The following NELL1 variants were observed in gnomAD, a reference collection of about 807,000 sequenced individuals.
The protein encoded by NELL1 is protein kinase C-binding protein NELL1.
A neutral mutation model predicts 107.4 loss-of-function variants in NELL1; 76 were observed. That is an observed-to-expected ratio of 0.71 (90% confidence interval 0.59 to 0.86). The LOEUF is 0.86. Among genes scored for constraint, NELL1 ranks in the 40% least tolerant of loss-of-function variants. NELL1 has a pLI of 0.00. For synonymous variants in NELL1, 353 were observed against 341.2 expected (o/e 1.03, Z -0.38); for missense variants, 1,024 against 1,005.5 (o/e 1.02, Z -0.25).
At chr11:21,266,784 C>T (rs1196879202) in intron 14 of NELL1, among the ~76,000 whole-genome samples, 1 of 152,040 alleles carries the variant, frequency 6.6e-6, no homozygotes, top group African/African-American at 2.4e-5. Context: ...CGTGTCAAAA[C>T]TACTCACTCA....
intron 2 of NELL1, among the ~76,000 whole-genome samples, chr11:20,717,752 A>G (rs1270496604): frequency 2.0e-5 from 3 of 152,168 alleles, no homozygotes; most frequent in East Asian, 3.8e-4. Flanking sequence ...CTTTTCATAA[A>G]TTGAAATTAC....
intron 12 of NELL1, among the ~76,000 whole-genome samples, chr11:21,097,722 G>A (rs1367100376): frequency 2.6e-5 from 4 of 152,152 alleles, no homozygotes; most frequent in Non-Finnish European, 5.9e-5. Flanking sequence ...GGATAAGGAA[G>A]TTAACAGGCT....
intron 2 of NELL1, among the ~76,000 whole-genome samples, chr11:20,728,954 C>T (rs1229607254): frequency 6.6e-6 from 1 of 152,234 alleles, no homozygotes. Flanking sequence ...AATACTTTTT[C>T]AAATCTTTGT....
intron 14 of NELL1, among the ~76,000 whole-genome samples, 182 bp from the exon 15 acceptor site, chr11:21,370,671 T>C (rs1305131901): frequency 6.6e-6 from 1 of 152,138 alleles, no homozygotes; most frequent in African/African-American, 2.4e-5. Context: ...TGATTTCATA[T>C]AAACCAGTGA....
chr11:21,423,888 A>G (rs1303967821), intron 15 of NELL1, among the ~76,000 whole-genome samples: 1 of 152,246 alleles, frequency 6.6e-6, no homozygotes, highest in Non-Finnish European at 1.5e-5. Flanking sequence ...TGGATCAAGG[A>G]AGAAATCACA....
At chr11:20,869,886 T>G (rs746914977) in intron 4 of NELL1, among the ~76,000 whole-genome samples, 1 of 152,206 alleles carries the variant, frequency 6.6e-6, no homozygotes, top group Non-Finnish European at 1.5e-5. Flanking sequence ...GATGCTCTAG[T>G]TGTAAGTAAC....
chr11:21,397,524 TG>T (rs1271939713), intron 15 of NELL1, among the ~76,000 whole-genome samples: 1 of 151,640 alleles, frequency 6.6e-6, no homozygotes, highest in Non-Finnish European at 1.5e-5. Context: ...TTTTTGTCAG[TG>T]AAAAATACAT....
chr11:21,370,249 C>T (rs7934374), intron 14 of NELL1, among the ~76,000 whole-genome samples: 118,251 of 151,876 alleles, frequency 0.78, 46,801 homozygotes, highest in African/African-American at 0.92. Context: ...CATTTCCACA[C>T]TGAGGCATTT....
chr11:21,376,871 G>T (rs1284442144), intron 15 of NELL1, among the ~76,000 whole-genome samples: 2 of 152,060 alleles, frequency 1.3e-5, no homozygotes, highest in East Asian at 1.9e-4. Context: ...GTATAGAAAT[G>T]ATACTAATTT....
chr11:20,946,119 C>T (rs1850957138), intron 10 of NELL1, among the ~76,000 whole-genome samples: 1 of 152,114 alleles, frequency 6.6e-6, no homozygotes, highest in Non-Finnish European at 1.5e-5. Flanking sequence ...AATGGGTATT[C>T]CTGATATAGT....
At chr11:20,899,622 C>T (rs565519524) in intron 5 of NELL1, among the ~76,000 whole-genome samples, 18 of 151,836 alleles carry the variant, frequency 1.2e-4, no homozygotes, top group Admixed American at 2.6e-4. Flanking sequence ...AGCATGAAAT[C>T]GTAAGAACAG....
intron 13 of NELL1, among the ~76,000 whole-genome samples, chr11:21,168,181 G>T (rs940961970): frequency 2.0e-5 from 3 of 151,804 alleles, no homozygotes; most frequent in Non-Finnish European, 4.4e-5. Flanking sequence ...AAATCACTGT[G>T]TTGGAAGGAA....
chr11:20,965,394 T>C (rs1851368573), intron 12 of NELL1, among the ~76,000 whole-genome samples: 1 of 152,206 alleles, frequency 6.6e-6, no homozygotes, highest in Non-Finnish European at 1.5e-5. Flanking sequence ...AGGATCTTTC[T>C]TGGAATTTGC....
chr11:21,452,514 T>A (rs1853613314), intron 15 of NELL1, among the ~76,000 whole-genome samples: 1 of 152,124 alleles, frequency 6.6e-6, no homozygotes, highest in Non-Finnish European at 1.5e-5. Flanking sequence ...TCATTTTATG[T>A]GTCTGAAATA....
At chr11:21,256,469 G>A (rs1018995275) in intron 14 of NELL1, among the ~76,000 whole-genome samples, 2 of 152,098 alleles carry the variant, frequency 1.3e-5, no homozygotes, top group Middle Eastern at 3.4e-3. Context: ...ACTAGCACTG[G>A]CATTTTTCTT....
At chr11:20,751,079 C>T (rs772267838) in intron 2 of NELL1, among the ~76,000 whole-genome samples, 9 of 151,914 alleles carry the variant, frequency 5.9e-5, no homozygotes, top group African/African-American at 1.4e-4. Context: ...ATTTCTATTC[C>T]GCTGATCTAT....
chr11:21,269,895 G>A (rs1848707109), intron 14 of NELL1, among the ~76,000 whole-genome samples: 1 of 152,060 alleles, frequency 6.6e-6, no homozygotes, highest in Non-Finnish European at 1.5e-5. Flanking sequence ...TGACAGCAAT[G>A]ATACAGTGAT....
At chr11:21,058,738 A>G (rs1305642506) in intron 12 of NELL1, among the ~76,000 whole-genome samples, 1 of 152,162 alleles carries the variant, frequency 6.6e-6, no homozygotes, top group African/African-American at 2.4e-5. Context: ...TATTATTTAT[A>G]TAAACAGGGC....
chr11:21,254,833 C>G (rs1858728945), intron 14 of NELL1, among the ~76,000 whole-genome samples: 1 of 152,074 alleles, frequency 6.6e-6, no homozygotes, highest in South Asian at 2.1e-4. Flanking sequence ...GCCGAGATGG[C>G]CACTGAGGGG....
Sources: gnomAD v4.1 joint callset for allele counts (sites outside exome capture counted in the v4.1 genomes callset) on GRCh38, gnomAD v4.1.1 for gene constraint, MANE v1.5 for transcripts, NCBI Gene and HGNC (gene_info 2026-07-23, HGNC 2026-07-21) for gene names.